Variants in SMAGP observed in about 807,000 individuals in gnomAD.
SMAGP encodes the protein small cell adhesion glycoprotein.
SMAGP carries 7 observed loss-of-function variants against 10.1 expected under a neutral mutation model. The ratio of observed to expected loss-of-function variants is 0.70; its 90% CI spans 0.40 to 1.31. The LOEUF is 1.31. Among genes scored for constraint, SMAGP ranks in the 50% most tolerant of loss-of-function variants. The pLI is 0.01. For missense variants in SMAGP, 113 were observed against 116.5 expected (o/e 0.97, Z 0.14); for synonymous variants, 49 against 47.2 (o/e 1.04, Z -0.16).
At chr12:51,265,945 G>C (rs947608622) in intron 2 of SMAGP, among the ~76,000 whole-genome samples, 3 of 152,144 alleles carry the variant, frequency 2.0e-5, no homozygotes, top group African/African-American at 7.2e-5. Context: ...AGCCGGGCGT[G>C]GTGGTGGGCG....
At chr12:51,250,470 C>T (rs1251137869) in intron 2 of SMAGP, among the ~76,000 whole-genome samples, 1 of 151,406 alleles carries the variant, frequency 6.6e-6, no homozygotes, top group East Asian at 1.9e-4. Context: ...GTTACTAAAC[C>T]TCTCTGAACC....
At chr12:51,246,604 CTGTGTGTGTGTGTGTG>C (rs59561227) in intron 3 of SMAGP, 131 bp downstream of exon 3, 14 of 338,116 alleles carry the variant, frequency 4.1e-5, no homozygotes, top group African/African-American at 2.8e-4. Context: ...TCTTTTATGG[CTGTGTGTGTGTGTGTG>C]TGTGTGTGTG....
chr12:51,253,063 T>A (rs1403585952), intron 2 of SMAGP, among the ~76,000 whole-genome samples: 2 of 152,108 alleles, frequency 1.3e-5, no homozygotes, highest in African/African-American at 4.8e-5. Context: ...GTGGAGTCCA[T>A]AAAGCAATGG....
At chr12:51,256,879 T>G (rs1024408668) in intron 2 of SMAGP, among the ~76,000 whole-genome samples, 2 of 151,762 alleles carry the variant, frequency 1.3e-5, no homozygotes, top group Non-Finnish European at 2.9e-5. Flanking sequence ...CAGGAGTAAG[T>G]GCAGATAAAG....
intron 2 of SMAGP, among the ~76,000 whole-genome samples, chr12:51,256,246 G>T (rs1345609862): frequency 6.6e-6 from 1 of 152,014 alleles, no homozygotes; most frequent in Non-Finnish European, 1.5e-5. Flanking sequence ...AACAAATTTG[G>T]AAGAAACATG....
chr12:51,260,999 C>G (rs1193315772), intron 2 of SMAGP, among the ~76,000 whole-genome samples: 2 of 151,510 alleles, frequency 1.3e-5, no homozygotes, highest in Non-Finnish European at 2.9e-5. Context: ...CCATGTTGGT[C>G]AGGCTGGTCT....
At chr12:51,260,348 C>T (rs1944921027) in intron 2 of SMAGP, among the ~76,000 whole-genome samples, 1 of 151,584 alleles carries the variant, frequency 6.6e-6, no homozygotes, top group Non-Finnish European at 1.5e-5. Flanking sequence ...TGCACCAGCA[C>T]AGCCGGCTGA....
chr12:51,267,643 A>T (rs1944988034), intron 2 of SMAGP, among the ~76,000 whole-genome samples: 1 of 151,756 alleles, frequency 6.6e-6, no homozygotes, highest in South Asian at 2.1e-4. Flanking sequence ...ACAGGTGTCT[A>T]CCACCAAGCC....
chr12:51,256,580 G>C (rs888865419), intron 2 of SMAGP, among the ~76,000 whole-genome samples: 3 of 151,940 alleles, frequency 2.0e-5, no homozygotes, highest in Non-Finnish European at 4.4e-5. Context: ...AATTAGCCGG[G>C]GTGGTGGCGC....
At chr12:51,246,259 A>T in intron 3 of SMAGP, 140 bp from the exon 4 acceptor site, 1 of 1,263,356 alleles carries the variant, frequency 7.9e-7, no homozygotes, top group Non-Finnish European at 1.1e-6. Context: ...ATCCAAACCC[A>T]TGTTCCCCCA....
chr12:51,270,066 C>G (rs542867146), intron 1 of SMAGP, 190 bp downstream of exon 1: 1 of 151,878 alleles, frequency 6.6e-6, no homozygotes, highest in Non-Finnish European at 1.5e-5. Flanking sequence ...TACCAGCACC[C>G]CGCGGAGCGC....
intron 2 of SMAGP, among the ~76,000 whole-genome samples, chr12:51,254,427 G>A (rs1305810745): frequency 4.0e-5 from 6 of 151,876 alleles, no homozygotes; most frequent in South Asian, 2.1e-4. Flanking sequence ...TATGCCTGTA[G>A]TCCCAGCTAC....
intron 2 of SMAGP, among the ~76,000 whole-genome samples, chr12:51,261,795 A>G (rs995581494): frequency 2.0e-5 from 3 of 152,212 alleles, no homozygotes; most frequent in African/African-American, 4.8e-5. Context: ...GAATGATGAA[A>G]TAAATTACAG....
At chr12:51,267,138 A>T (rs534012181) in intron 2 of SMAGP, among the ~76,000 whole-genome samples, 72 of 152,196 alleles carry the variant, frequency 4.7e-4, no homozygotes, top group Middle Eastern at 3.4e-3. Context: ...AATAAAATTT[A>T]AAAAATGTAA....
chr12:51,252,054 T>C, intron 2 of SMAGP, among the ~76,000 whole-genome samples: 1 of 151,908 alleles, frequency 6.6e-6, no homozygotes, highest in Admixed American at 6.6e-5. Flanking sequence ...GAAATTTACC[T>C]CAATATTTAA....
chr12:51,249,462 T>C (rs371546951), intron 2 of SMAGP, among the ~76,000 whole-genome samples: 2 of 152,126 alleles, frequency 1.3e-5, no homozygotes, highest in Admixed American at 6.6e-5. Flanking sequence ...AGTGTCAGAA[T>C]TGAATTGGAA....
At chr12:51,267,602 T>A (rs1418694366) in intron 2 of SMAGP, among the ~76,000 whole-genome samples, 1 of 150,998 alleles carries the variant, frequency 6.6e-6, no homozygotes, top group Non-Finnish European at 1.5e-5. Flanking sequence ...CAAGGGATCC[T>A]CCCACCTAAG....
chr12:51,252,856 G>A (rs74380990), intron 2 of SMAGP, among the ~76,000 whole-genome samples: 2,077 of 152,156 alleles, frequency 0.014, 52 homozygotes, highest in African/African-American at 0.047. Flanking sequence ...CTAAGGAGCA[G>A]TGGAGCCTTT....
At chr12:51,246,604 C>CTGTGTGTGTGTGTGTGTGTG (rs59561227) in intron 3 of SMAGP, 147 bp downstream of exon 3, 13 of 338,116 alleles carry the variant, frequency 3.8e-5, no homozygotes, top group African/African-American at 1.6e-4. Flanking sequence ...TCTTTTATGG[C>CTGTGTGTGTGTGTGTGTGTG]TGTGTGTGTG....
Sources: gnomAD v4.1 joint callset for allele counts (sites outside exome capture counted in the v4.1 genomes callset) on GRCh38, gnomAD v4.1.1 for gene constraint, MANE v1.5 for transcripts, NCBI Gene and HGNC (gene_info 2026-07-23, HGNC 2026-07-21) for gene names.